IGSF6: variants seen among roughly 807,000 people sequenced by gnomAD.
The protein encoded by IGSF6 is immunoglobulin superfamily member 6, also known as down-regulated by activation (immunoglobulin superfamily).
In IGSF6, 23 loss-of-function variants were observed where a neutral mutation model predicts 24.7. The ratio of observed to expected loss-of-function variants is 0.93; its 90% CI spans 0.67 to 1.32. The LOEUF (loss-of-function observed/expected upper bound fraction) is 1.32. Among genes scored for constraint, IGSF6 ranks in the 40% most tolerant of loss-of-function variants. IGSF6 has a pLI of 0.00. For synonymous variants in IGSF6, 110 were observed against 113.7 expected (o/e 0.97, Z 0.21); for missense variants, 295 against 293.6 (o/e 1.00, Z -0.04).
chr16:21,646,856 A>T (rs1041720683), intron 2 of IGSF6: 1 of 419,966 alleles, frequency 2.4e-6, no homozygotes. Flanking sequence ...GGGTTTCACC[A>T]TGTTGGCCAG....
chr16:21,648,973 C>T (rs1448841054), intron 1 of IGSF6, among the ~76,000 whole-genome samples: 3 of 151,998 alleles, frequency 2.0e-5, no homozygotes, highest in East Asian at 1.9e-4. Context: ...CTCTTCTCAC[C>T]ATGTTTTTTT....
intron 2 of IGSF6, among the ~76,000 whole-genome samples, chr16:21,645,768 A>G (rs1190883023): frequency 1.3e-5 from 2 of 152,292 alleles, no homozygotes; most frequent in South Asian, 4.1e-4. Context: ...AGACATACAA[A>G]TCTCTAAAGC....
chr16:21,652,110 G>A (rs1490294884), intron 1 of IGSF6: 1 of 152,742 alleles, frequency 6.5e-6, no homozygotes, highest in Non-Finnish European at 1.5e-5. Context: ...ACTATGGGAT[G>A]GCTATTGGAG....
Position 21,644,304 on chromosome 16 carries a change from T to C in IGSF6, c.520A>G (p.Ile174Val). The C allele has an allele frequency of 6.2e-7, 1 of 1,611,942 alleles. No homozygotes were observed. The highest frequency in any genetic ancestry group is 8.5e-7 in the Non-Finnish European group (1 of 1,178,024). Reference protein sequence around the residue: ...VYVTGVCVAFILLSKSKSNPL... With the variant: ...VYVTGVCVAFVLLSKSKSNPL... ...ATTTGACTTACTTTGGAGAGGAGTA[T>C]GAAGGCCACGCACACACCGGTCACA... The change falls in exon 3 of 6, where the codon ATA becomes GTA. Residue 174 changes from isoleucine (I) to valine (V), a missense_variant. Physicochemically the swap from Ile to Val is conservative, Grantham distance 29. Transcript: ENST00000268389.
chr16:21,651,851 A>T (rs145442750), intron 1 of IGSF6: 2 of 152,074 alleles, frequency 1.3e-5, no homozygotes, highest in African/African-American at 4.8e-5. Flanking sequence ...AGTAATATAT[A>T]CTTATTAGCA....
At chr16:21,641,622 G>GTT (rs1331780243) in intron 5 of IGSF6, 29 bp from the exon 6 acceptor site, 1 of 1,456,724 alleles carries the variant, frequency 6.9e-7, no homozygotes, top group Admixed American at 1.8e-5. Context: ...AGAAAGCCAT[G>GTT]TTTAAGGTTA....
At chr16:21,649,737 C>T (rs1966519974) in intron 1 of IGSF6, among the ~76,000 whole-genome samples, 1 of 152,136 alleles carries the variant, frequency 6.6e-6, no homozygotes, top group Non-Finnish European at 1.5e-5. Flanking sequence ...TAGGGTCCCA[C>T]TGTGTCGCCC....
At chr16:21,641,640 A>G (rs1356446238) in intron 5 of IGSF6, 47 bp from the exon 6 acceptor site, 2 of 1,246,932 alleles carry the variant, frequency 1.6e-6, no homozygotes. Flanking sequence ...TTATGTAACC[A>G]ATGAAGCCAA....
rs1966443602 is a variant in IGSF6, at chr16:21,646,914, A to G, written c.427+219T>C. 3 of 568,326 alleles carry G rather than the reference A, an allele frequency of 5.3e-6. No individual in the cohort carries two copies. The South Asian group carries it at 5.5e-5, about 10-fold the overall frequency. The allele number at this position is 568,326 out of a possible 1,614,324, so 35.2% of individuals were successfully genotyped here. A position where few individuals can be genotyped will look rare whatever the true frequency, so the allele number is the denominator to read the frequency against. ...CAAGTGATTCGTCCACCTCAGCCTC[A>G]AAGTGCTGGGATTACAGGTGTGAGC... On this transcript the variant is annotated intron_variant, in intron 2 of 5. Transcript: ENST00000268389.
intron 2 of IGSF6, chr16:21,646,763 C>T (rs1966440059): frequency 3.1e-6 from 1 of 320,008 alleles, no homozygotes. Flanking sequence ...ACAAGCGATT[C>T]TCCTGCCTCA....
At chr16:21,643,254 A>C (rs2141612594) in intron 4 of IGSF6, 100 bp from the exon 5 acceptor site, 2 of 821,068 alleles carry the variant, frequency 2.4e-6, no homozygotes, top group Admixed American at 2.0e-5. Flanking sequence ...CACCGGTCCC[A>C]AAAACTACCC....
chr16:21,646,380 C>G (rs1966430502), intron 2 of IGSF6: 1 of 152,176 alleles, frequency 6.6e-6, no homozygotes, highest in African/African-American at 2.4e-5. Context: ...CAAATCTGTG[C>G]TTATTCTCCA....
Position 21,647,429 on chromosome 16 carries a change from T to G in IGSF6, c.131A>C (p.His44Pro). 9.9e-6 allele frequency: 16 copies of G among 1,614,048 alleles called. No homozygotes were observed. Among genetic ancestry groups the G allele is most frequent in the Middle Eastern group, 1.6e-4 (1 of 6,062 alleles). The change falls in exon 2 of 6, where the codon CAT becomes CCT. Residue 44 changes from histidine (H) to proline (P), a missense_variant. His to Pro is a moderately conservative substitution (Grantham distance 77, BLOSUM62 -2). Transcript: ENST00000268389. ...QPWYLEVDYT[H>P]EAVTIKCTFS... ...GGTACACTTTATGGTGACGGCCTCA[T>G]GAGTGTAGTCCACTTCTAGGTACCA...
At chr16:21,645,383 G>T (rs1170910298) in intron 2 of IGSF6, among the ~76,000 whole-genome samples, 1 of 152,132 alleles carries the variant, frequency 6.6e-6, no homozygotes, top group Non-Finnish European at 1.5e-5. Context: ...AACCCGGAAG[G>T]TGGAGGTTGG....
intron 5 of IGSF6, 64 bp downstream of exon 5, chr16:21,643,010 G>T: frequency 9.4e-7 from 1 of 1,060,384 alleles, no homozygotes; most frequent in Non-Finnish European, 1.4e-6. Context: ...CTCCTTGGCA[G>T]CTTAGTTTTT....
At chr16:21,644,449 A>G in intron 2 of IGSF6, 53 bp from the exon 3 acceptor site, 1 of 1,257,262 alleles carries the variant, frequency 8.0e-7, no homozygotes. Flanking sequence ...CTATTCTTTC[A>G]AATACATGTG....
chr16:21,651,459 G>A (rs565292793), intron 1 of IGSF6, among the ~76,000 whole-genome samples: 9 of 151,910 alleles, frequency 5.9e-5, no homozygotes, highest in Non-Finnish European at 1.2e-4. Context: ...GTGCCATCAC[G>A]CCCAGCTATT....
chr16:21,649,058 A>G (rs1458735245), intron 1 of IGSF6, among the ~76,000 whole-genome samples: 1 of 152,046 alleles, frequency 6.6e-6, no homozygotes, highest in Non-Finnish European at 1.5e-5. Context: ...TGGTGCAATC[A>G]CGGCACACTG....
Position 21,640,316 on chromosome 16 carries a change from G to A in IGSF6, c.*1218C>T, listed in dbSNP as rs1171003675. The A allele has an allele frequency of 6.6e-6, 1 of 151,880 alleles. No homozygotes were observed. Among genetic ancestry groups the A allele is most frequent in the Non-Finnish European group, 1.5e-5 (1 of 67,978 alleles). 9.4% of individuals were successfully genotyped at this position (151,880 alleles called of 1,614,324 possible). A position where few individuals can be genotyped will look rare whatever the true frequency, so the allele number is the denominator to read the frequency against. On this transcript the variant is annotated 3_prime_UTR_variant, in exon 6 of 6. Transcript: ENST00000268389. ...TGTCTAATAATGAATGCATACTTAT[G>A]GGCACTTTAGATTTTTTTATACCAA...
Sources: allele counts gnomAD v4.1 joint callset (sites outside exome capture counted in the v4.1 genomes callset), GRCh38; gene constraint gnomAD v4.1.1; transcripts MANE v1.5; gene names NCBI Gene and HGNC (gene_info 2026-07-23, HGNC 2026-07-21).